Variants in BCL2 observed in about 807,000 individuals in gnomAD.
The protein encoded by BCL2 is apoptosis regulator Bcl-2.
In BCL2, 1 loss-of-function variant was observed where a neutral mutation model predicts 14.2. The observed-to-expected ratio is 0.07, with a 90% CI of 0.02 to 0.33. The LOEUF (loss-of-function observed/expected upper bound fraction) is 0.33, where lower values mean the gene tolerates loss of function less well. Ranked by LOEUF, BCL2 falls within the 10% of genes least tolerant of loss-of-function variation. BCL2 has a pLI of 0.99. For missense variants in BCL2, 247 were observed against 305.9 expected (o/e 0.81, Z 1.44); for synonymous variants, 151 against 137.2 (o/e 1.10, Z -0.70).
In BCL2 at chr18:63,319,248, C is replaced by G. The variant is rs1913617282; in HGVS notation, c.-361G>C. 1 of 238,492 alleles carries G rather than the reference C, an allele frequency of 4.2e-6. No homozygotes were observed. Among genetic ancestry groups the G allele is most frequent in the Non-Finnish European group, 8.0e-6 (1 of 124,226 alleles). The allele number at this position is 238,492 out of a possible 1,614,324, so 14.8% of individuals were successfully genotyped here. On this transcript the variant is annotated 5_prime_UTR_variant, in exon 1 of 3. Coordinates refer to ENST00000333681, the MANE Select transcript of BCL2 (RefSeq NM_000633.3). ...AAACCAAAACAAATGCATAAGGCAA[C>G]GATCCCATCAATCTTCAGCACTCTC...
At chr18:63,145,393 AG>A (rs1399931074) in intron 2 of BCL2, among the ~76,000 whole-genome samples, 2 of 121,876 alleles carry the variant, frequency 1.6e-5, no homozygotes, top group African/African-American at 8.6e-5. Context: ...CAAGAGATCC[AG>A]GGGGTGGGGG....
intron 2 of BCL2, among the ~76,000 whole-genome samples, chr18:63,274,816 A>G (rs1453491366): frequency 6.6e-6 from 1 of 152,150 alleles, no homozygotes; most frequent in Non-Finnish European, 1.5e-5. Context: ...ATTTGGTTGA[A>G]TCCAAGTATT....
At chr18:63,139,270 A>G (rs2144595439) in intron 2 of BCL2, among the ~76,000 whole-genome samples, 1 of 152,356 alleles carries the variant, frequency 6.6e-6, no homozygotes, top group East Asian at 1.9e-4. Flanking sequence ...GGAGAAATGC[A>G]TTTATAGCAA....
chr18:63,198,747 A>T (rs1351631839), intron 2 of BCL2, among the ~76,000 whole-genome samples: 1 of 149,272 alleles, frequency 6.7e-6, no homozygotes, highest in Non-Finnish European at 1.5e-5. Context: ...ACAGGGACAC[A>T]CACAGACACA....
chr18:63,250,714 T>C (rs1911286235), intron 2 of BCL2, among the ~76,000 whole-genome samples: 1 of 152,208 alleles, frequency 6.6e-6, no homozygotes, highest in Non-Finnish European at 1.5e-5. Context: ...TACTAGGGAT[T>C]TGCTGTCTTT....
chr18:63,229,520 C>T (rs1486658838), intron 2 of BCL2, among the ~76,000 whole-genome samples: 1 of 152,154 alleles, frequency 6.6e-6, no homozygotes, highest in Non-Finnish European at 1.5e-5. Flanking sequence ...CCCTTGGTGT[C>T]TTCTTTGTGA....
chr18:63,261,930 C>A (rs1327605380), intron 2 of BCL2, among the ~76,000 whole-genome samples: 1 of 152,136 alleles, frequency 6.6e-6, no homozygotes, highest in Non-Finnish European at 1.5e-5. Flanking sequence ...GAGGCTCCTG[C>A]CACCATGCCC....
chr18:63,241,144 A>T (rs970697247), intron 2 of BCL2, among the ~76,000 whole-genome samples: 4 of 152,268 alleles, frequency 2.6e-5, no homozygotes, highest in African/African-American at 9.6e-5. Flanking sequence ...GTGGTGAGCA[A>T]GATTTGGCCC....
At chr18:63,212,807 C>T (rs1156378290) in intron 2 of BCL2, among the ~76,000 whole-genome samples, 2 of 151,228 alleles carry the variant, frequency 1.3e-5, no homozygotes, top group Admixed American at 6.6e-5. Flanking sequence ...ACCCAGAAGG[C>T]GGAGGTTGCA....
rs891402543 is a variant in BCL2 at position 63,312,585 on chromosome 18, C to A, written c.585+5497G>T. On this transcript the variant is annotated intron_variant, in intron 2 of 2. Transcript: ENST00000333681. The stretch of plus-strand genomic sequence containing the variant: ...AGTCCGAAGGCAAATGCCAGTGTTA[C>A]AATGGACTGTGAATTTCTGTAACTA... Among the ~76,000 whole-genome samples, 3 of 152,322 alleles carry A rather than the reference C, an allele frequency of 2.0e-5. No homozygotes were observed. The East Asian group carries it at 5.8e-4, about 29-fold the overall frequency.
chr18:63,294,442 G>T (rs2615200), intron 2 of BCL2, among the ~76,000 whole-genome samples: 64,949 of 152,104 alleles, frequency 0.43, 15,962 homozygotes, highest in Non-Finnish European at 0.55. Flanking sequence ...GCCGAGGCCG[G>T]TAGATCATTT....
At chr18:63,216,172 C>T (rs1323926634) in intron 2 of BCL2, among the ~76,000 whole-genome samples, 5 of 151,698 alleles carry the variant, frequency 3.3e-5, no homozygotes, top group East Asian at 3.9e-4. Context: ...CTCTATTTTC[C>T]GGATTTTTCT....
chr18:63,202,057 C>A (rs968689769), intron 2 of BCL2, among the ~76,000 whole-genome samples: 2 of 152,050 alleles, frequency 1.3e-5, no homozygotes, highest in Admixed American at 6.5e-5. Flanking sequence ...GCCTGTAATC[C>A]CAGCACTTGG....
intron 2 of BCL2, among the ~76,000 whole-genome samples, chr18:63,304,357 T>C (rs546344432): frequency 9.4e-4 from 143 of 152,304 alleles, no homozygotes; most frequent in African/African-American, 3.3e-3. Context: ...ACATGCCCTT[T>C]ACTACTGCGG....
intron 2 of BCL2, among the ~76,000 whole-genome samples, chr18:63,162,562 C>A (rs1448075908): frequency 6.6e-6 from 1 of 152,102 alleles, no homozygotes; most frequent in East Asian, 1.9e-4. Context: ...CATTCTAGAT[C>A]GTGTTTCTTA....
At chr18:63,233,028 G>A (rs1910728898) in intron 2 of BCL2, among the ~76,000 whole-genome samples, 2 of 152,152 alleles carry the variant, frequency 1.3e-5, no homozygotes, top group African/African-American at 2.4e-5. Flanking sequence ...CAGCAGATGT[G>A]GTGGTGTGGA....
At chr18:63,167,122 G>T (rs1915064761) in intron 2 of BCL2, among the ~76,000 whole-genome samples, 1 of 152,124 alleles carries the variant, frequency 6.6e-6, no homozygotes, top group South Asian at 2.1e-4. Context: ...GGCCTCCTTT[G>T]GTGTATAATT....
chr18:63,224,198 G>GA (rs1910483064), intron 2 of BCL2, among the ~76,000 whole-genome samples: 1 of 152,232 alleles, frequency 6.6e-6, no homozygotes, highest in South Asian at 2.1e-4. Flanking sequence ...GAGAAAATAT[G>GA]AAAAAATCAC....
chr18:63,257,934 C>T (rs1054525519), intron 2 of BCL2, among the ~76,000 whole-genome samples: 3 of 131,098 alleles, frequency 2.3e-5, no homozygotes, highest in Admixed American at 7.7e-5. Context: ...TGTTATGGGT[C>T]GAATTATGTC....
Sources: gnomAD v4.1 joint callset for allele counts (sites outside exome capture counted in the v4.1 genomes callset) on GRCh38, gnomAD v4.1.1 for gene constraint, MANE v1.5 for transcripts, NCBI Gene and HGNC (gene_info 2026-07-23, HGNC 2026-07-21) for gene names.